FMOD: variants seen among roughly 807,000 people sequenced by gnomAD.
The protein encoded by FMOD is KSPG fibromodulin.
Under a neutral mutation model 27.0 loss-of-function variants are expected in FMOD, and 15 were observed. The ratio of observed to expected loss-of-function variants is 0.55; its 90% CI spans 0.37 to 0.85. FMOD has a LOEUF of 0.85. Among genes scored for constraint, FMOD ranks in the 40% least tolerant of loss-of-function variants. The pLI, the probability that FMOD is intolerant of heterozygous loss-of-function variation, is 0.00. For missense variants in FMOD, 460 were observed against 483.2 expected (o/e 0.95, Z 0.45); for synonymous variants, 210 against 214.0 (o/e 0.98, Z 0.16).
chr1:203,349,022 G>T (rs1658946903), intron 1 of FMOD, among the ~76,000 whole-genome samples: 1 of 152,230 alleles, frequency 6.6e-6, no homozygotes, highest in African/African-American at 2.4e-5. Flanking sequence ...TCATGCAGCA[G>T]TTACAAATCC....
intron 1 of FMOD, among the ~76,000 whole-genome samples, chr1:203,350,062 G>T (rs886065002): frequency 2.6e-5 from 4 of 152,238 alleles, no homozygotes; most frequent in Non-Finnish European, 5.9e-5. Flanking sequence ...CAAGGTGGCT[G>T]TCTGGAGGGC....
At position 203,342,383 on chromosome 1, in the gene FMOD, G is replaced by A. The variant is rs377479219; in HGVS notation, c.1091C>T (p.Ala364Val). 9.4e-5 allele frequency: 152 copies of A among 1,613,416 alleles called. No homozygotes were observed. The highest frequency in any genetic ancestry group is 1.2e-4 in the Non-Finnish European group (147 of 1,179,690). Residue 364 changes from alanine (A) to valine (V), a missense_variant, in exon 3 of 3, where the codon GCG becomes GTG. Ala to Val is a moderately conservative substitution (Grantham distance 64). Coordinates refer to ENST00000354955, the MANE Select transcript of FMOD (RefSeq NM_002023.5). ...GCTGGCAAGGCGCAGGCAGAGGGGCGCGTCGGCAGGCATGGCGCTGCGCTT... is the reference window on the plus strand; with the variant it reads ...GCTGGCAAGGCGCAGGCAGAGGGGCACGTCGGCAGGCATGGCGCTGCGCTT... ...EIKRSAMPADAPLCLRLASLI... is the reference protein window; with the variant it reads ...EIKRSAMPADVPLCLRLASLI...
chr1:203,347,424 T>C lies in FMOD; in HGVS notation c.847A>G (p.Asn283Asp). ...VRLSHNSLTNNGLASNTFNSS... is the reference protein window; with the variant it reads ...VRLSHNSLTNDGLASNTFNSS... ...TTGAAGGTGTTGGAGGCCAGGCCATTGTTGGTTAGACTGTTGTGGGACAGC... is the reference window on the plus strand; with the variant it reads ...TTGAAGGTGTTGGAGGCCAGGCCATCGTTGGTTAGACTGTTGTGGGACAGC... Residue 283 changes from asparagine to aspartate, a missense_variant, in exon 2 of 3, where the codon AAT becomes GAT. Coordinates refer to ENST00000354955, the MANE Select transcript of FMOD (RefSeq NM_002023.5). The C allele has an allele frequency of 6.2e-7, 1 of 1,614,062 alleles. No homozygotes were observed.
chr1:203,346,857 G>A (rs1414999145), intron 2 of FMOD, among the ~76,000 whole-genome samples: 7 of 152,006 alleles, frequency 4.6e-5, no homozygotes, highest in Admixed American at 6.6e-5. Context: ...AAACTTCTCC[G>A]AACTCATCTC....
chr1:203,348,554 A>AT (rs1278495843), intron 1 of FMOD, among the ~76,000 whole-genome samples: 136 of 148,606 alleles, frequency 9.2e-4, no homozygotes, highest in South Asian at 1.7e-3. Context: ...GAACAGCTGC[A>AT]TTTTTTTTTT....
chr1:203,343,662 C>G (rs184888811), intron 2 of FMOD, among the ~76,000 whole-genome samples: 1 of 152,322 alleles, frequency 6.6e-6, no homozygotes, highest in African/African-American at 2.4e-5. Flanking sequence ...CATCGGCTTG[C>G]AGCAGTGGTC....
At chr1:203,350,852 G>A (rs1658986388) in intron 1 of FMOD, among the ~76,000 whole-genome samples, 181 bp downstream of exon 1, 1 of 152,192 alleles carries the variant, frequency 6.6e-6, no homozygotes, top group Admixed American at 6.5e-5. Flanking sequence ...TACAGGGCTG[G>A]AACCCCTCCC....
In FMOD at chr1:203,341,591, C is replaced by T. The variant is rs1658796008; in HGVS notation, c.*752G>A. ...GCTACCCAGCTGCCAAAATATAGCC[C>T]TATACATTGATCTAAGCCTGAGGTT... On this transcript the variant is annotated 3_prime_UTR_variant, in exon 3 of 3. Transcript: ENST00000354955. 2 of 152,192 alleles carry T rather than the reference C, an allele frequency of 1.3e-5. No homozygotes were observed. The highest frequency in any genetic ancestry group is 4.8e-5 in the African/African-American group (2 of 41,434). The allele number at this position is 152,192 out of a possible 1,614,324, so 9.4% of individuals were successfully genotyped here. A position where few individuals can be genotyped will look rare whatever the true frequency, so the allele number is the denominator to read the frequency against.
At chr1:203,346,090 C>A (rs1436490562) in intron 2 of FMOD, among the ~76,000 whole-genome samples, 2 of 152,146 alleles carry the variant, frequency 1.3e-5, no homozygotes, top group African/African-American at 4.8e-5. Context: ...AAATTGCCCT[C>A]TGGGGCTGGT....
At position 203,341,719 on chromosome 1, in the gene FMOD, C is replaced by T. The variant is rs17177486; in HGVS notation, c.*624G>A. ...AGGTTAGGGAGGTATAGAAGTGACT[C>T]CTGGTGTCCTTTCACCCTCAGACAC... On this transcript the variant is annotated 3_prime_UTR_variant, in exon 3 of 3. Transcript: ENST00000354955. 0.011 allele frequency: 1,743 copies of T among 152,342 alleles called. 25 individuals are homozygous for T. Among genetic ancestry groups the T allele is most frequent in the South Asian group, 0.024 (116 of 4,816 alleles). 9.4% of individuals were successfully genotyped at this position (152,342 alleles called of 1,614,324 possible). A position where few individuals can be genotyped will look rare whatever the true frequency, so the allele number is the denominator to read the frequency against.
rs1447039162 is a variant in FMOD, at chr1:203,341,408, G to T, written c.*935C>A. On this transcript the variant is annotated 3_prime_UTR_variant, in exon 3 of 3. Coordinates refer to ENST00000354955, the MANE Select transcript of FMOD (RefSeq NM_002023.5). ...ACCTTTGTGGATAAAAACCCAGGTAGGATGCTGTTTGGAATGCAGAAAGTG... is the reference window on the plus strand; with the variant it reads ...ACCTTTGTGGATAAAAACCCAGGTATGATGCTGTTTGGAATGCAGAAAGTG... The T allele has an allele frequency of 6.6e-6, 1 of 152,218 alleles. No homozygotes were observed. 9.4% of individuals were successfully genotyped at this position (152,218 alleles called of 1,614,324 possible).
Position 203,347,914 on chromosome 1 carries a change from G to C in FMOD, c.357C>G (p.Ser119=). Residue 119 remains serine, a synonymous_variant, in exon 2 of 3, where the codon TCC becomes TCG. Transcript: ENST00000354955. ...YVYFQNNQIT[S]IQEGVFDNAT... Reference sequence around the variant, plus strand: ...CATTGTCAAAGACGCCTTCCTGGATGGAGGTGATCTGGTTGTTCTGGAAGT... The same window carrying C: ...CATTGTCAAAGACGCCTTCCTGGATCGAGGTGATCTGGTTGTTCTGGAAGT... 6.2e-7 allele frequency: 1 copy of C among 1,612,998 alleles called. No homozygotes were observed. Among genetic ancestry groups the C allele is most frequent in the Non-Finnish European group, 8.5e-7 (1 of 1,179,064 alleles).
chr1:203,350,747 G>T (rs367843136), intron 1 of FMOD, among the ~76,000 whole-genome samples: 1 of 152,180 alleles, frequency 6.6e-6, no homozygotes, highest in African/African-American at 2.4e-5. Context: ...ATGAGTAGCA[G>T]GGAAGAAGCT....
intron 1 of FMOD, among the ~76,000 whole-genome samples, chr1:203,348,828 G>T: frequency 6.6e-6 from 1 of 152,218 alleles, no homozygotes; most frequent in East Asian, 1.9e-4. Flanking sequence ...AAAATCTTTT[G>T]GTCTCTTGGG....
intron 2 of FMOD, among the ~76,000 whole-genome samples, chr1:203,345,700 C>T (rs963848802): frequency 1.3e-5 from 2 of 152,114 alleles, no homozygotes; most frequent in South Asian, 2.1e-4. Context: ...AGATCAAGAC[C>T]GTCCTGGCTA....
intron 1 of FMOD, among the ~76,000 whole-genome samples, chr1:203,348,708 A>T (rs1462993917): frequency 6.6e-6 from 1 of 152,204 alleles, no homozygotes; most frequent in Non-Finnish European, 1.5e-5. Flanking sequence ...TCCAGTTTGG[A>T]TGTTCCGGGG....
chr1:203,347,300 C>G lies in FMOD; in HGVS notation c.971G>C (p.Arg324Thr), dbSNP rs200157198. 2.7e-4 allele frequency: 441 copies of G among 1,610,132 alleles called. No homozygotes were observed. Among genetic ancestry groups the G allele is most frequent in the Non-Finnish European group, 3.6e-4 (425 of 1,178,192 alleles). The change falls in exon 2 of 3, where the codon AGG becomes ACG. Residue 324 changes from arginine to threonine, a missense_variant. Physicochemically the swap from Arg to Thr is moderately conservative, Grantham distance 71 (BLOSUM62 -1). Coordinates refer to ENST00000354955, the MANE Select transcript of FMOD (RefSeq NM_002023.5). ...CTTTGCCAAGGTCTCACCATTGATC[C>G]TATTGCCTTGGAGGTAGAGGTTCTC... ...NLENLYLQGN[R>T]INEFSISSFC...
chr1:203,342,326 C>T lies in FMOD; in HGVS notation c.*17G>A. ...TGCCACGGGGGCTCTCCGCCCAGTA[C>T]CCGGTGCCAGGGCTGCTCAGATCTC... is the stretch of plus-strand genomic sequence containing the variant. On this transcript the variant is annotated 3_prime_UTR_variant, in exon 3 of 3. Transcript: ENST00000354955. 1 of 1,601,652 alleles carries T rather than the reference C, an allele frequency of 6.2e-7. No individual in the cohort carries two copies. Among genetic ancestry groups the T allele is most frequent in the Non-Finnish European group, 8.5e-7 (1 of 1,170,966 alleles).
intron 2 of FMOD, among the ~76,000 whole-genome samples, chr1:203,346,826 C>T (rs1460793899): frequency 1.3e-5 from 2 of 152,212 alleles, no homozygotes; most frequent in African/African-American, 4.8e-5. Flanking sequence ...AAATCTCCCT[C>T]CCTTTGAAGT....
Sources: gnomAD v4.1 joint callset for allele counts (sites outside exome capture counted in the v4.1 genomes callset) on GRCh38, gnomAD v4.1.1 for gene constraint, MANE v1.5 for transcripts, NCBI Gene and HGNC (gene_info 2026-07-23, HGNC 2026-07-21) for gene names.